HNF4G: variants seen among roughly 807,000 people sequenced by gnomAD.
HNF4G encodes hepatocyte nuclear factor 4-gamma.
A neutral mutation model predicts 50.9 loss-of-function variants in HNF4G; 21 were observed. The observed-to-expected ratio is 0.41, with a 90% confidence interval of 0.29 to 0.59. The LOEUF (loss-of-function observed/expected upper bound fraction) is 0.59. Ranked by LOEUF, HNF4G falls within the 20% of genes least tolerant of loss-of-function variation. The pLI is 0.26. For synonymous variants in HNF4G, 198 were observed against 185.6 expected, an observed-to-expected ratio of 1.07 and a Z score of -0.54; for missense variants, 527 against 559.4, an observed-to-expected ratio of 0.94 and a Z score of 0.58.
At position 75,474,854 on chromosome 8, in the gene HNF4G, C is replaced by T. The variant is rs571135661; in HGVS notation, c.-143-15235C>T. On this transcript the variant is annotated intron_variant, in intron 1 of 10. Transcript: ENST00000354370. ...CTGGTATTACAGGTGCCTGCCACCACGCCCAACTAATTTTTGTATTTTTAG... is the reference window on the plus strand; with the variant it reads ...CTGGTATTACAGGTGCCTGCCACCATGCCCAACTAATTTTTGTATTTTTAG... 5.0e-3 allele frequency among the ~76,000 whole-genome samples: 761 copies of T among 151,970 alleles called. 4 individuals carry two copies. The highest frequency in any genetic ancestry group is 8.0e-3 in the Non-Finnish European group (547 of 67,988).
At position 75,449,632 on chromosome 8, in the gene HNF4G, T is replaced by G. The variant is rs550525947; in HGVS notation, c.-143-40457T>G. ...CGCCATTCTCCTGCCTCAGCCTCCC[T>G]TGTAGCTGGGACTACAGGCTCCCGC... On this transcript the variant is annotated intron_variant, in intron 1 of 10. Coordinates refer to the HNF4G transcript ENST00000354370. Among the ~76,000 whole-genome samples, 243 of 150,642 alleles carry G rather than the reference T, an allele frequency of 1.6e-3. 2 individuals are homozygous for G. In the East Asian group the frequency reaches 0.042, roughly 26 times the overall value.
intron 1 of HNF4G, among the ~76,000 whole-genome samples, chr8:75,488,849 T>C (rs1812554251): frequency 6.6e-6 from 1 of 152,172 alleles, no homozygotes; most frequent in African/African-American, 2.4e-5. Context: ...AGGCACTGTT[T>C]CATCCTCGGT....
intron 2 of HNF4G, among the ~76,000 whole-genome samples, chr8:75,527,661 A>T (rs1806218967): frequency 6.6e-6 from 1 of 152,232 alleles, no homozygotes; most frequent in Non-Finnish European, 1.5e-5. Flanking sequence ...ATTTCATTAT[A>T]TTACAATCAG....
chr8:75,502,986 C>T (rs1313459305), intron 2 of HNF4G, among the ~76,000 whole-genome samples: 1 of 151,684 alleles, frequency 6.6e-6, no homozygotes, highest in Non-Finnish European at 1.5e-5. Context: ...CACTTATACT[C>T]ATGCAGTTTT....
intron 2 of HNF4G, 68 bp downstream of exon 2, chr8:75,544,047 A>G: frequency 7.2e-7 from 1 of 1,392,454 alleles, no homozygotes; most frequent in Non-Finnish European, 9.8e-7. Flanking sequence ...AAAAAGTAAG[A>G]GAAGAAAATT....
intron 3 of HNF4G, among the ~76,000 whole-genome samples, chr8:75,550,376 G>A (rs886751593): frequency 1.3e-5 from 2 of 151,686 alleles, no homozygotes; most frequent in African/African-American, 2.4e-5. Flanking sequence ...GCAGTGGTGC[G>A]ATCTTGGCTC....
intron 1 of HNF4G, among the ~76,000 whole-genome samples, chr8:75,443,227 C>T (rs904873785): frequency 3.3e-5 from 5 of 151,986 alleles, no homozygotes; most frequent in Non-Finnish European, 7.4e-5. Context: ...TTCCCAGCCT[C>T]CAGAACTGTG....
intron 2 of HNF4G, among the ~76,000 whole-genome samples, chr8:75,526,615 C>G (rs1021687798): frequency 6.6e-6 from 1 of 151,968 alleles, no homozygotes; most frequent in Non-Finnish European, 1.5e-5. Flanking sequence ...CTCACTGCAG[C>G]CTTGACCTCC....
intron 1 of HNF4G, among the ~76,000 whole-genome samples, chr8:75,422,648 T>G (rs1810799721): frequency 6.6e-6 from 1 of 152,092 alleles, no homozygotes; most frequent in African/African-American, 2.4e-5. Flanking sequence ...CTTTTTTTTT[T>G]TTTGAGACGG....
intron 1 of HNF4G, among the ~76,000 whole-genome samples, chr8:75,465,539 C>T (rs60112848): frequency 2.5e-3 from 379 of 151,994 alleles, no homozygotes; most frequent in African/African-American, 8.5e-3. Flanking sequence ...AAAGAAGTTT[C>T]AGAGACTAAA....
At chr8:75,552,285 G>T (rs1806982509) in intron 4 of HNF4G, among the ~76,000 whole-genome samples, 1 of 152,072 alleles carries the variant, frequency 6.6e-6, no homozygotes. Context: ...GGGCAATAAA[G>T]CTTTTAGAGA....
chr8:75,560,465 C>T lies in HNF4G; in HGVS notation c.1245C>T (p.Ile415=). ...PMSTLVHADQ[I]STPETPLPSP... is the part of the protein sequence containing the mutation. ...CAACACTGGTTCATGCAGACCAGAT[C>T]TGTAAGTTTATAGACTACTTTTCAA... Residue 415 remains isoleucine (I), a splice_region_variant and synonymous_variant, in exon 9 of 10, where the codon ATC becomes ATT. Transcript: ENST00000396423. The T allele has an allele frequency of 6.2e-7, 1 of 1,609,180 alleles. No individual in the cohort carries two copies. Among genetic ancestry groups the T allele is most frequent in the Non-Finnish European group, 8.5e-7 (1 of 1,178,092 alleles).
intron 1 of HNF4G, among the ~76,000 whole-genome samples, chr8:75,485,509 C>T (rs907030911): frequency 7.1e-6 from 1 of 140,736 alleles, no homozygotes; most frequent in African/African-American, 3.0e-5. Flanking sequence ...ACCATAGAAA[C>T]TGTTAATTAA....
rs892518077 is a variant in HNF4G, at chr8:75,473,913, T to A, written c.-143-16176T>A. Among the ~76,000 whole-genome samples, 30 of 149,914 alleles carry A rather than the reference T, an allele frequency of 2.0e-4. 1 individual carries two copies. The highest frequency in any genetic ancestry group is 7.1e-4 in the African/African-American group (29 of 40,982). On this transcript the variant is annotated intron_variant, in intron 1 of 10. Coordinates refer to the HNF4G transcript ENST00000354370. ...AAAATGGAGACCAAATTGTGAACAA[T>A]TTCACAGAAGGGCTGTCTGAGAAAA... is the stretch of plus-strand genomic sequence containing the variant.
intron 1 of HNF4G, among the ~76,000 whole-genome samples, chr8:75,448,616 G>A (rs1380448350): frequency 6.6e-6 from 1 of 151,530 alleles, no homozygotes; most frequent in Admixed American, 6.6e-5. Context: ...GTATAAGGGG[G>A]AAACTGATAA....
chr8:75,417,653 T>G (rs1485839574), intron 1 of HNF4G, among the ~76,000 whole-genome samples: 2 of 152,232 alleles, frequency 1.3e-5, no homozygotes, highest in African/African-American at 4.8e-5. Flanking sequence ...TTCTATCAAT[T>G]ATTTATATGA....
intron 1 of HNF4G, among the ~76,000 whole-genome samples, chr8:75,420,443 G>A (rs961651834): frequency 1.3e-5 from 2 of 152,156 alleles, no homozygotes; most frequent in South Asian, 2.1e-4. Flanking sequence ...TTGACGTTCC[G>A]GCCTCAGCCG....
intron 1 of HNF4G, among the ~76,000 whole-genome samples, chr8:75,458,739 G>A (rs953115299): frequency 3.9e-5 from 6 of 152,092 alleles, no homozygotes; most frequent in Non-Finnish European, 7.4e-5. Flanking sequence ...TTCAGGTTGC[G>A]TCAACATCAT....
chr8:75,559,127 A>T lies in HNF4G; in HGVS notation c.1123+90A>T, dbSNP rs911345164. ...TGATTTTTTTGTCCATATTTAATTC[A>T]TCTACTGAAGTTGCTGTGATGCTCC... On this transcript the variant is annotated intron_variant, in intron 8 of 9. Transcript: ENST00000396423. 17 of 877,566 alleles carry T rather than the reference A, an allele frequency of 1.9e-5. No individual in the cohort carries two copies. In the Admixed American group the frequency reaches 2.0e-4, roughly 10 times the overall value. 54.4% of individuals were successfully genotyped at this position (877,566 alleles called of 1,614,324 possible). A position where few individuals can be genotyped will look rare whatever the true frequency, so the allele number is the denominator to read the frequency against.
Sources: allele counts gnomAD v4.1 joint callset (sites outside exome capture counted in the v4.1 genomes callset), GRCh38; gene constraint gnomAD v4.1.1; transcripts MANE v1.5; gene names NCBI Gene and HGNC (gene_info 2026-07-23, HGNC 2026-07-21).